SND1: variants seen among roughly 807,000 people sequenced by gnomAD.
SND1 encodes staphylococcal nuclease and tudor domain containing 1.
SND1 carries 38 observed loss-of-function variants against 121.7 expected under a neutral mutation model. The observed-to-expected ratio is 0.31, with a 90% confidence interval of 0.24 to 0.41. The LOEUF (loss-of-function observed/expected upper bound fraction) is 0.41. Among genes scored for constraint, SND1 ranks in the 10% least tolerant of loss-of-function variants. SND1 has a pLI of 1.00. For missense variants in SND1, 868 were observed against 1,184.6 expected (o/e 0.73, Z 3.92); for synonymous variants, 401 against 447.4 (o/e 0.90, Z 1.31).
Position 128,089,706 on chromosome 7 carries a change from A to G in SND1, c.2622+14A>G. 6.2e-7 allele frequency: 1 copy of G among 1,612,612 alleles called. No individual in the cohort carries two copies. The highest frequency in any genetic ancestry group is 1.7e-4 in the Middle Eastern group (1 of 6,058). On this transcript the variant is annotated intron_variant, in intron 22 of 23. Coordinates refer to ENST00000354725, the MANE Select transcript of SND1 (RefSeq NM_014390.4). ...TTCCAGAAAGTGGTATGTGATGTGG[A>G]GAGGCGGCCCCAGCATTGCGCCACC...
chr7:128,038,723 A>G (rs575848163), intron 16 of SND1, among the ~76,000 whole-genome samples: 26 of 152,000 alleles, frequency 1.7e-4, no homozygotes, highest in Admixed American at 1.3e-3. Flanking sequence ...ACTTATAGAC[A>G]GGTCAAAAAT....
intron 11 of SND1, among the ~76,000 whole-genome samples, chr7:127,825,781 A>G (rs1798633376): frequency 6.6e-6 from 1 of 152,210 alleles, no homozygotes; most frequent in African/African-American, 2.4e-5. Flanking sequence ...ATATATGTTT[A>G]TTATGCTAAG....
chr7:128,051,836 C>T lies in SND1; in HGVS notation c.1780-22666C>T, dbSNP rs536409260. Among the ~76,000 whole-genome samples the T allele has an allele frequency of 5.3e-5, 8 of 152,340 alleles. No homozygotes were observed. The East Asian group carries it at 5.8e-4, about 11-fold the overall frequency. ...GCCCATCCTTTGACGGAGCTTCTCT[C>T]GTTTAGTCCTCAAGGTAGCCAGTCC... On this transcript the variant is annotated intron_variant, in intron 16 of 23. Coordinates refer to ENST00000354725, the MANE Select transcript of SND1 (RefSeq NM_014390.4).
rs1488561558 is a variant in SND1 at position 127,980,367 on chromosome 7, G to A, written c.1670-10580G>A. ...GATCTCCTGACCTCGTGATCCGCCCGCCTCGGCCTCCCAAAGTGCTGGGAT... is the reference window on the plus strand; with the variant it reads ...GATCTCCTGACCTCGTGATCCGCCCACCTCGGCCTCCCAAAGTGCTGGGAT... On this transcript the variant is annotated intron_variant, in intron 15 of 23. Transcript: ENST00000354725. Among the ~76,000 whole-genome samples, 2 of 120,260 alleles carry A rather than the reference G, an allele frequency of 1.7e-5. 1 individual carries two copies. Among genetic ancestry groups the A allele is most frequent in the East Asian group, 4.1e-4 (2 of 4,916 alleles). The allele number at this position is 120,260 out of a possible 152,430, so 78.9% of individuals were successfully genotyped here.
At chr7:127,948,676 G>C (rs1162427531) in intron 15 of SND1, among the ~76,000 whole-genome samples, 1 of 152,224 alleles carries the variant, frequency 6.6e-6, no homozygotes, top group African/African-American at 2.4e-5. Context: ...TTTGGTGATA[G>C]CACCAGAGAG....
intron 9 of SND1, among the ~76,000 whole-genome samples, chr7:127,712,001 C>T: frequency 6.7e-6 from 1 of 149,562 alleles, no homozygotes; most frequent in Non-Finnish European, 1.5e-5. Context: ...TCAAGCCTCT[C>T]CTCTCCCCTT....
At chr7:127,786,737 G>A (rs555353210) in intron 10 of SND1, among the ~76,000 whole-genome samples, 42 of 152,156 alleles carry the variant, frequency 2.8e-4, no homozygotes, top group Admixed American at 5.2e-4. Flanking sequence ...TCCGCCTCCC[G>A]GGTTCACGCC....
chr7:127,682,632 G>A (rs1052190593), intron 1 of SND1, among the ~76,000 whole-genome samples: 2 of 152,202 alleles, frequency 1.3e-5, no homozygotes, highest in Non-Finnish European at 2.9e-5. Context: ...AGCTTTGGCA[G>A]ACTAATTACC....
chr7:127,845,866 T>C (rs1009712612), intron 12 of SND1, among the ~76,000 whole-genome samples: 1 of 152,246 alleles, frequency 6.6e-6, no homozygotes, highest in Non-Finnish European at 1.5e-5. Context: ...AAATGAGATA[T>C]TCAGGGAGTA....
chr7:127,700,305 A>G (rs2116336517), intron 4 of SND1, among the ~76,000 whole-genome samples: 1 of 152,218 alleles, frequency 6.6e-6, no homozygotes, highest in African/African-American at 2.4e-5. Context: ...TTGACTGTGA[A>G]TTTGGATCCC....
At chr7:127,703,119 A>T (rs116070950) in intron 6 of SND1, 46 bp from the exon 7 acceptor site, 2 of 1,610,292 alleles carry the variant, frequency 1.2e-6, no homozygotes, top group African/African-American at 2.7e-5. Flanking sequence ...AGTGCCTAGC[A>T]CTCACATTTA....
chr7:127,858,223 C>A, intron 12 of SND1: 1 of 780,934 alleles, frequency 1.3e-6, no homozygotes. Flanking sequence ...TTTCCTGGTA[C>A]ATGCCAAGGT....
intron 10 of SND1, among the ~76,000 whole-genome samples, chr7:127,737,028 G>A (rs892323112): frequency 1.3e-5 from 2 of 152,028 alleles, no homozygotes; most frequent in Admixed American, 1.3e-4. Context: ...GCCCCCTATT[G>A]TGATAAAAAC....
chr7:128,016,073 T>C (rs1430976601), intron 16 of SND1, among the ~76,000 whole-genome samples: 2 of 152,188 alleles, frequency 1.3e-5, no homozygotes, highest in African/African-American at 2.4e-5. Flanking sequence ...ACTGACATTA[T>C]TTTAAGGCTT....
rs66757341 is a variant in SND1 at position 127,975,424 on chromosome 7, CGTGTGTGTGTGT to C, written c.1670-15500_1670-15489del. Among the ~76,000 whole-genome samples, 442 of 147,444 alleles carry C rather than the reference CGTGTGTGTGTGT, an allele frequency of 3.0e-3. 3 individuals carry two copies. Among genetic ancestry groups the C allele is most frequent in the African/African-American group, 6.9e-3 (275 of 39,916 alleles). On this transcript the variant is annotated intron_variant, in intron 15 of 23. Transcript: ENST00000354725. ...GTGTGTAAGAGAGATTGACTCCCCT[CGTGTGTGTGTGT>C]GTGTGTGTGTGTGTGTGTGTGTAAG...
intron 16 of SND1, among the ~76,000 whole-genome samples, chr7:128,042,745 C>A (rs1190428033): frequency 1.3e-5 from 2 of 152,222 alleles, no homozygotes; most frequent in African/African-American, 2.4e-5. Flanking sequence ...AGGTAAAATT[C>A]TTTACCAAAT....
At chr7:127,978,495 A>G (rs1274327922) in intron 15 of SND1, among the ~76,000 whole-genome samples, 1 of 152,130 alleles carries the variant, frequency 6.6e-6, no homozygotes, top group Non-Finnish European at 1.5e-5. Context: ...ATGGGGAAAT[A>G]TGCATCTGTG....
intron 17 of SND1, among the ~76,000 whole-genome samples, chr7:128,076,044 G>A (rs1386483758): frequency 6.6e-6 from 1 of 152,182 alleles, no homozygotes; most frequent in Non-Finnish European, 1.5e-5. Flanking sequence ...AGAGTCTAAC[G>A]CCCAGAGGCC....
At chr7:127,789,606 C>G (rs997952902) in intron 10 of SND1, among the ~76,000 whole-genome samples, 1 of 152,204 alleles carries the variant, frequency 6.6e-6, no homozygotes, top group African/African-American at 2.4e-5. Flanking sequence ...CACGTGTCTG[C>G]TTTTAAGGAA....
Sources: gnomAD v4.1 joint callset for allele counts (sites outside exome capture counted in the v4.1 genomes callset) on GRCh38, gnomAD v4.1.1 for gene constraint, MANE v1.5 for transcripts, NCBI Gene and HGNC (gene_info 2026-07-23, HGNC 2026-07-21) for gene names.